The following HMCN1 variants were observed in gnomAD, a reference collection of about 807,000 sequenced individuals.
HMCN1 encodes hemicentin 1.
A neutral mutation model predicts 625.9 loss-of-function variants in HMCN1; 321 were observed. That is an observed-to-expected ratio of 0.51 (90% CI 0.47 to 0.56). The LOEUF (loss-of-function observed/expected upper bound fraction) is 0.56. HMCN1 is among the 20% of genes least tolerant of loss of function. The pLI is 0.00. For missense variants in HMCN1, 6,588 were observed against 6,887.3 expected, an observed-to-expected ratio of 0.96 and a Z score of 1.54; for synonymous variants, 2,425 against 2,417.6, an observed-to-expected ratio of 1.00 and a Z score of -0.09.
At chr1:185,920,164 C>A (rs1038336130) in intron 6 of HMCN1, among the ~76,000 whole-genome samples, 5 of 152,126 alleles carry the variant, frequency 3.3e-5, no homozygotes, top group Admixed American at 1.3e-4. Context: ...ATGATAAATG[C>A]ATGAATTAAC....
Position 186,134,901 on chromosome 1 carries a change from T to C in HMCN1, c.13313-1767T>C, listed in dbSNP as rs72707448. On this transcript the variant is annotated intron_variant, in intron 86 of 106. Transcript: ENST00000271588. Reference sequence around the variant, plus strand: ...GCTTTCTTATTTAAATGAAAACCTTTCTTATTTTAGGATTTGAACCAATGT... The same window carrying C: ...GCTTTCTTATTTAAATGAAAACCTTCCTTATTTTAGGATTTGAACCAATGT... Among the ~76,000 whole-genome samples the C allele has an allele frequency of 9.7e-3, 1,470 of 152,292 alleles. 12 individuals carry two copies. Among genetic ancestry groups the C allele is most frequent in the Middle Eastern group, 0.037 (11 of 294 alleles).
rs753805678 is a variant in HMCN1 at position 186,137,575 on chromosome 1, C to T, written c.13660C>T (p.Arg4554Cys). The T allele has an allele frequency of 3.3e-5, 54 of 1,613,744 alleles. No homozygotes were observed. Among genetic ancestry groups the T allele is most frequent in the Non-Finnish European group, 4.2e-5 (49 of 1,179,944 alleles). Residue 4554 changes from arginine to cysteine, a missense_variant, in exon 88 of 107, where the codon CGT (arginine) becomes TGT (cysteine). Arg to Cys is a radical substitution (Grantham distance 180). This residue lies in a region of HMCN1 where 1,954 missense variants were observed against 2,013.1 expected (regional missense o/e 0.97). Transcript: ENST00000271588. ...TCGKGIQKRS[R>C]LCNQPLPANG... ...TGGAAAAGGCATCCAAAAGAGGAGT[C>T]GTCTGTGCAACCAGCCCCTTCCAGC...
chr1:185,924,655 C>T (rs1667183224), intron 8 of HMCN1, among the ~76,000 whole-genome samples: 2 of 151,958 alleles, frequency 1.3e-5, no homozygotes, highest in East Asian at 1.9e-4. Context: ...TCATTTTTTA[C>T]ATTTATTTTG....
In HMCN1 at chr1:186,152,896, T is replaced by G. The variant is rs1650764261; in HGVS notation, c.15018+25T>G. 12 of 1,612,860 alleles carry G rather than the reference T, an allele frequency of 7.4e-6. No individual in the cohort carries two copies. In the East Asian group the frequency reaches 2.7e-4, roughly 36 times the overall value. On this transcript the variant is annotated intron_variant, in intron 96 of 106. Transcript: ENST00000271588. ...GGTAAAATGCCAGGATAACTTGTCT[T>G]TGCTGCTTATTAGAGTAATGATGAG... is the stretch of plus-strand genomic sequence containing the variant.
chr1:185,775,430 G>A (rs1656529517), intron 1 of HMCN1, among the ~76,000 whole-genome samples: 1 of 151,892 alleles, frequency 6.6e-6, no homozygotes, highest in African/African-American at 2.4e-5. Flanking sequence ...AGAAAAAAAT[G>A]GAATGAGTGA....
chr1:186,145,860 G>A lies in HMCN1; in HGVS notation c.14545G>A (p.Gly4849Ser). The change falls in exon 93 of 107, where the codon GGT becomes AGT. Residue 4849 changes from glycine (G) to serine (S), a missense_variant. Physicochemically the swap from Gly to Ser is moderately conservative, Grantham distance 56. Transcript: ENST00000271588. ...GTGCGACCATCCTGTGCCAGTTAAA[G>A]GTGGCCGTCCCTGTCCCGGAGACAC... ...RLCDHPVPVK[G>S]GRPCPGDTTQ... The A allele has an allele frequency of 6.2e-7, 1 of 1,614,080 alleles. No individual in the cohort carries two copies. The highest frequency in any genetic ancestry group is 1.1e-5 in the South Asian group (1 of 91,086).
chr1:186,162,744 G>T (rs1308032878), intron 97 of HMCN1, among the ~76,000 whole-genome samples: 1 of 152,172 alleles, frequency 6.6e-6, no homozygotes, highest in Non-Finnish European at 1.5e-5. Context: ...CGTGAACCAC[G>T]AATGCTGCTG....
intron 16 of HMCN1, among the ~76,000 whole-genome samples, chr1:185,978,329 A>C (rs978592287): frequency 1.4e-4 from 21 of 152,128 alleles, no homozygotes; most frequent in Non-Finnish European, 2.5e-4. Flanking sequence ...AGAAAGATAA[A>C]ATATTACTAT....
intron 54 of HMCN1, among the ~76,000 whole-genome samples, chr1:186,077,209 A>G (rs1342724831): frequency 2.0e-5 from 3 of 152,128 alleles, no homozygotes; most frequent in African/African-American, 7.2e-5. Flanking sequence ...ATTTGACCCC[A>G]ATTAAATAAA....
chr1:186,001,065 C>A (rs1488666288), intron 26 of HMCN1, among the ~76,000 whole-genome samples: 1 of 151,920 alleles, frequency 6.6e-6, no homozygotes. Flanking sequence ...AAGCTTATCC[C>A]AAATTTTATC....
In HMCN1 at chr1:186,088,856, A is replaced by T. The variant is rs1000827103; in HGVS notation, c.9727+101A>T. On this transcript the variant is annotated intron_variant, in intron 63 of 106. Coordinates refer to ENST00000271588, the MANE Select transcript of HMCN1 (RefSeq NM_031935.3). Reference sequence around the variant, plus strand: ...AGGTATCAGTAGTAATTGATTCAACATATCTTTAGATCATCAAAAACTATC... The same window carrying T: ...AGGTATCAGTAGTAATTGATTCAACTTATCTTTAGATCATCAAAAACTATC... 9 of 1,123,874 alleles carry T rather than the reference A, an allele frequency of 8.0e-6. No individual in the cohort carries two copies. The Admixed American group carries it at 1.1e-4, about 14-fold the overall frequency. The allele number at this position is 1,123,874 out of a possible 1,614,324, so 69.6% of individuals were successfully genotyped here. A position where few individuals can be genotyped will look rare whatever the true frequency, so the allele number is the denominator to read the frequency against.
chr1:186,164,865 A>G (rs765742362), intron 97 of HMCN1, among the ~76,000 whole-genome samples: 7 of 152,206 alleles, frequency 4.6e-5, no homozygotes, highest in Non-Finnish European at 8.8e-5. Flanking sequence ...TTTTTTATTG[A>G]TGTAAATAAC....
intron 2 of HMCN1, among the ~76,000 whole-genome samples, chr1:185,848,952 C>T (rs1019255514): frequency 2.0e-5 from 3 of 152,088 alleles, no homozygotes; most frequent in Non-Finnish European, 4.4e-5. Flanking sequence ...TGCATTTATT[C>T]TTGCTTCTAT....
chr1:185,811,588 C>G (rs568807852), intron 1 of HMCN1, among the ~76,000 whole-genome samples: 31 of 151,802 alleles, frequency 2.0e-4, no homozygotes, highest in African/African-American at 7.5e-4. Flanking sequence ...AGAGCAAGAC[C>G]CTGTCTCTTG....
In HMCN1 at chr1:186,122,981, A is replaced by T. The variant is rs758736236; in HGVS notation, c.12260A>T (p.Glu4087Val). The T allele has an allele frequency of 6.8e-6, 11 of 1,614,044 alleles. No individual in the cohort carries two copies. Among genetic ancestry groups the T allele is most frequent in the Non-Finnish European group, 9.3e-6 (11 of 1,179,992 alleles). The change falls in exon 81 of 107, where the codon GAA (glutamate) becomes GTA (valine). Residue 4087 changes from glutamate (E) to valine (V), a missense_variant. Transcript: ENST00000271588. ...CCAGTCATTAGCCCTCATCTAAAGGAATATGTTATTGCTGTGGACAAGCCC... is the reference window on the plus strand; with the variant it reads ...CCAGTCATTAGCCCTCATCTAAAGGTATATGTTATTGCTGTGGACAAGCCC... ...VPPVISPHLKEYVIAVDKPIT... is the reference protein window; with the variant it reads ...VPPVISPHLKVYVIAVDKPIT...
At chr1:186,127,078 A>C (rs1459711815) in intron 82 of HMCN1, among the ~76,000 whole-genome samples, 1 of 152,116 alleles carries the variant, frequency 6.6e-6, no homozygotes, top group Non-Finnish European at 1.5e-5. Flanking sequence ...AGGAAAAAAA[A>C]TAAGAATGAC....
intron 2 of HMCN1, among the ~76,000 whole-genome samples, chr1:185,849,439 G>A (rs1662030369): frequency 1.3e-5 from 2 of 152,074 alleles, no homozygotes; most frequent in East Asian, 1.9e-4. Flanking sequence ...GAAGGACTGC[G>A]TATAATTTAG....
intron 1 of HMCN1, among the ~76,000 whole-genome samples, chr1:185,782,455 A>C (rs551275259): frequency 1.1e-4 from 17 of 152,284 alleles, no homozygotes; most frequent in Non-Finnish European, 2.4e-4. Context: ...TGGTCTTTAC[A>C]GTTTGGCATG....
chr1:185,782,429 T>C (rs1657195366), intron 1 of HMCN1, among the ~76,000 whole-genome samples: 1 of 152,250 alleles, frequency 6.6e-6, no homozygotes, highest in Non-Finnish European at 1.5e-5. Flanking sequence ...TTGATGCAGA[T>C]TCTTCCTAGC....
Sources: allele counts gnomAD v4.1 joint callset (sites outside exome capture counted in the v4.1 genomes callset), GRCh38; gene constraint gnomAD v4.1.1; regional missense constraint gnomAD v4.1.1; transcripts MANE v1.5; gene names NCBI Gene and HGNC (gene_info 2026-07-23, HGNC 2026-07-21).